The following RYR2 variants were observed in gnomAD, a reference collection of about 807,000 sequenced individuals.
RYR2 encodes cardiac muscle ryanodine receptor-calcium release channel.
Under a neutral mutation model 601.1 loss-of-function variants are expected in RYR2, and 227 were observed. That is an observed-to-expected ratio of 0.38 (90% CI 0.34 to 0.42). RYR2 has a LOEUF of 0.42. Among genes scored for constraint, RYR2 ranks in the 10% least tolerant of loss-of-function variants. The probability of loss-of-function intolerance (pLI) is 1.00; values close to 1 mark genes in which losing one functional copy is unlikely to be tolerated. For missense variants in RYR2, 4,646 were observed against 6,156.5 expected, an observed-to-expected ratio of 0.75 and a Z score of 8.21; for synonymous variants, 2,223 against 2,175.1, an observed-to-expected ratio of 1.02 and a Z score of -0.61.
At position 237,566,603 on chromosome 1, in the gene RYR2, G is replaced by A. The variant is rs193922624; in HGVS notation, c.3251G>A (p.Arg1084Lys). The A allele has an allele frequency of 2.6e-4, 423 of 1,613,886 alleles. No individual in the cohort carries two copies. Among genetic ancestry groups the A allele is most frequent in the Non-Finnish European group, 3.2e-4 (376 of 1,179,900 alleles). ...GAAGTGTGCAGCGGCACCGGGGAAA[G>A]GTTCCGAATCTTCCGTGCCGAGAAG... is the stretch of plus-strand genomic sequence containing the variant. Reference protein sequence around the residue: ...RAEVCSGTGERFRIFRAEKTY... With the variant: ...RAEVCSGTGEKFRIFRAEKTY... The change falls in exon 28 of 105, where the codon AGG becomes AAG. Residue 1084 changes from arginine (R) to lysine (K), a missense_variant. Physicochemically the swap from Arg to Lys is conservative, Grantham distance 26 (BLOSUM62 2). Around this residue, in one of 17 missense-constraint regions of RYR2, gnomAD observed 1,807 missense variants for 2,088.1 expected, o/e 0.87. Coordinates refer to ENST00000366574, the MANE Select transcript of RYR2 (RefSeq NM_001035.3).
intron 1 of RYR2, among the ~76,000 whole-genome samples, chr1:237,234,533 C>T (rs142116044): frequency 7.4e-4 from 112 of 152,158 alleles, no homozygotes; most frequent in East Asian, 1.9e-3. Context: ...TGTTAAAATA[C>T]GTTTTTATAT....
chr1:237,058,239 T>G (rs1395726483), intron 1 of RYR2, among the ~76,000 whole-genome samples: 2 of 152,194 alleles, frequency 1.3e-5, no homozygotes, highest in Non-Finnish European at 2.9e-5. Flanking sequence ...GGGGAAAATG[T>G]TGAAATATCT....
chr1:237,582,591 TC>T (rs1674048375), intron 29 of RYR2, among the ~76,000 whole-genome samples: 1 of 152,098 alleles, frequency 6.6e-6, no homozygotes, highest in African/African-American at 2.4e-5. Context: ...ACCACAGTTG[TC>T]CCCAGTTTCT....
intron 1 of RYR2, among the ~76,000 whole-genome samples, chr1:237,213,530 GT>G (rs907501308): frequency 1.8e-4 from 28 of 152,048 alleles, no homozygotes; most frequent in African/African-American, 6.5e-4. Context: ...ATGGTTGAGT[GT>G]ATTTCTTCTT....
intron 71 of RYR2, among the ~76,000 whole-genome samples, chr1:237,714,995 A>ATT (rs1689149612): frequency 2.9e-4 from 30 of 102,932 alleles, no homozygotes; most frequent in Admixed American, 5.5e-4. Flanking sequence ...CCATCTCAAA[A>ATT]AAAAAAAAAA....
At chr1:237,670,537 A>G (rs1355329982) in intron 58 of RYR2, among the ~76,000 whole-genome samples, 1 of 152,182 alleles carries the variant, frequency 6.6e-6, no homozygotes, top group Non-Finnish European at 1.5e-5. Flanking sequence ...GTTTTGTGAA[A>G]TTCTTGACAG....
At chr1:237,639,314 C>G in intron 46 of RYR2, 113 bp downstream of exon 46, 1 of 1,042,106 alleles carries the variant, frequency 9.6e-7, no homozygotes, top group African/African-American at 1.6e-5. Context: ...CAGAAGATTT[C>G]TCCCTTTGAA....
At chr1:237,144,145 A>C (rs558780953) in intron 1 of RYR2, among the ~76,000 whole-genome samples, 4 of 152,198 alleles carry the variant, frequency 2.6e-5, no homozygotes, top group African/African-American at 9.6e-5. Context: ...GAAAAAAAAA[A>C]AATTAGACCA....
chr1:237,482,061 C>T (rs1009580509), intron 17 of RYR2, among the ~76,000 whole-genome samples: 2 of 151,960 alleles, frequency 1.3e-5, no homozygotes, highest in Non-Finnish European at 2.9e-5. Flanking sequence ...TTTATGAGTA[C>T]ATAGTAGGTG....
intron 16 of RYR2, among the ~76,000 whole-genome samples, chr1:237,463,323 ATTTG>A (rs905326895): frequency 2.8e-4 from 43 of 152,190 alleles, no homozygotes; most frequent in African/African-American, 9.9e-4. Flanking sequence ...GGGAATCAGT[ATTTG>A]TTGCATAAAT....
chr1:237,286,586 G>T, intron 2 of RYR2, among the ~76,000 whole-genome samples: 1 of 19,950 alleles, frequency 5.0e-5, no homozygotes, highest in Non-Finnish European at 1.1e-4. Context: ...AACTGTTGTT[G>T]CTTTAAAATT....
chr1:237,730,345 G>A lies in RYR2; in HGVS notation c.10924G>A (p.Glu3642Lys), dbSNP rs2149159716. Residue 3642 changes from glutamate (E) to lysine (K), a missense_variant, in exon 77 of 105, where the codon GAA (glutamate) becomes AAA (lysine). Coordinates refer to ENST00000366574, the MANE Select transcript of RYR2 (RefSeq NM_001035.3). ...EEHYFEDKLI[E>K]DLAKPGAEPP... ...ACATTACTTTGAAGATAAACTGATA[G>A]AAGATTTAGCAGTATGTTTTTAGTG... 6.4e-7 allele frequency: 1 copy of A among 1,567,992 alleles called. No homozygotes were observed. Among genetic ancestry groups the A allele is most frequent in the Non-Finnish European group, 8.8e-7 (1 of 1,138,232 alleles).
intron 16 of RYR2, among the ~76,000 whole-genome samples, chr1:237,464,647 A>G (rs553799687): frequency 2.6e-5 from 4 of 152,286 alleles, no homozygotes; most frequent in African/African-American, 7.2e-5. Context: ...ATCAGCAATC[A>G]TTCTCTAAGA....
chr1:237,086,506 T>C (rs1220844663), intron 1 of RYR2, among the ~76,000 whole-genome samples: 1 of 152,194 alleles, frequency 6.6e-6, no homozygotes, highest in Non-Finnish European at 1.5e-5. Flanking sequence ...TTTTGAACTT[T>C]TCTGTGTTTC....
intron 27 of RYR2, among the ~76,000 whole-genome samples, chr1:237,563,907 A>G (rs1052423742): frequency 1.3e-5 from 2 of 152,190 alleles, no homozygotes; most frequent in African/African-American, 4.8e-5. Flanking sequence ...AGTTTTCCAA[A>G]AAAACTGTAG....
At chr1:237,532,969 T>C (rs976565455) in intron 25 of RYR2, among the ~76,000 whole-genome samples, 6 of 152,176 alleles carry the variant, frequency 3.9e-5, no homozygotes, top group Non-Finnish European at 7.4e-5. Flanking sequence ...AACTTTAAGA[T>C]AGGTAGATGA....
At chr1:237,474,627 C>T (rs1269587465) in intron 17 of RYR2, among the ~76,000 whole-genome samples, 1 of 152,028 alleles carries the variant, frequency 6.6e-6, no homozygotes, top group Non-Finnish European at 1.5e-5. Flanking sequence ...TGCGGGTGCC[C>T]ATGTTGCCCC....
intron 24 of RYR2, among the ~76,000 whole-genome samples, chr1:237,528,944 C>T (rs977946710): frequency 3.9e-5 from 6 of 152,046 alleles, no homozygotes; most frequent in African/African-American, 7.2e-5. Flanking sequence ...ATGGTAAATC[C>T]TAATATTATG....
At chr1:237,098,067 TATTA>T (rs1467717240) in intron 1 of RYR2, among the ~76,000 whole-genome samples, 1 of 152,246 alleles carries the variant, frequency 6.6e-6, no homozygotes, top group African/African-American at 2.4e-5. Context: ...TTTTCCTCCC[TATTA>T]ATTTCCCGTA....
Sources: gnomAD v4.1 joint callset for allele counts (sites outside exome capture counted in the v4.1 genomes callset) on GRCh38, gnomAD v4.1.1 for gene constraint, gnomAD v4.1.1 regional missense constraint, MANE v1.5 for transcripts, NCBI Gene and HGNC (gene_info 2026-07-23, HGNC 2026-07-21) for gene names.